MICAL2: variants seen among roughly 807,000 people sequenced by gnomAD.
The protein encoded by MICAL2 is microtubule associated monooxygenase, calponin and LIM domain containing 2.
In MICAL2, 77 loss-of-function variants were observed where a neutral mutation model predicts 127.3. The observed-to-expected ratio is 0.60, with a 90% CI of 0.50 to 0.73. The LOEUF is 0.73. Among genes scored for constraint, MICAL2 ranks in the 30% least tolerant of loss-of-function variants. The probability of loss-of-function intolerance (pLI) is 0.00; values close to 1 mark genes in which losing one functional copy is unlikely to be tolerated. For synonymous variants in MICAL2, 570 were observed against 551.1 expected (o/e 1.03, Z -0.48); for missense variants, 1,351 against 1,434.4 (o/e 0.94, Z 0.94).
At chr11:12,171,659 G>A (rs55716610) in intron 3 of MICAL2, among the ~76,000 whole-genome samples, 15,381 of 152,158 alleles carry the variant, frequency 0.1, 1,234 homozygotes, top group African/African-American at 0.22. Context: ...TCAGCTGCAG[G>A]TAATTGAGAT....
chr11:12,216,908 T>G (rs1045414467), intron 8 of MICAL2, among the ~76,000 whole-genome samples: 4 of 152,180 alleles, frequency 2.6e-5, no homozygotes, highest in Admixed American at 6.5e-5. Flanking sequence ...AAGATATATA[T>G]AGAGCACCTG....
chr11:12,223,318 C>CA (rs1857040396), intron 11 of MICAL2, 93 bp from the exon 12 acceptor site: 1 of 1,071,732 alleles, frequency 9.3e-7, no homozygotes, highest in African/African-American at 1.6e-5. Flanking sequence ...AAAATGGTGG[C>CA]AGGCACTGAA....
intron 16 of MICAL2, among the ~76,000 whole-genome samples, chr11:12,238,063 G>T (rs1333324203): frequency 6.6e-6 from 1 of 152,070 alleles, no homozygotes; most frequent in Non-Finnish European, 1.5e-5. Context: ...CTACATACAA[G>T]GTTCCCCATA....
intron 24 of MICAL2, among the ~76,000 whole-genome samples, chr11:12,269,182 C>A (rs1863644109): frequency 6.6e-6 from 1 of 152,136 alleles, no homozygotes; most frequent in African/African-American, 2.4e-5. Flanking sequence ...CTGCTCTGGC[C>A]AGGTTCTGAA....
At chr11:12,286,165 A>G (rs1451801172) in intron 2 of MICAL2, among the ~76,000 whole-genome samples, 3 of 152,190 alleles carry the variant, frequency 2.0e-5, no homozygotes, top group African/African-American at 7.2e-5. Context: ...CACAGGAAGT[A>G]CAGTGTCCCG....
rs534420944 is a variant in MICAL2, at chr11:12,162,393, C to A, written c.238C>A (p.Arg80=). 5.8e-5 allele frequency: 94 copies of A among 1,614,070 alleles called. 1 individual carries two copies. The highest frequency in any genetic ancestry group is 4.9e-4 in the Middle Eastern group (3 of 6,084). The change falls in exon 3 of 28, where the codon CGA becomes AGA. Residue 80 remains arginine (R), a synonymous_variant. Transcript: ENST00000683283. ...DKRGSHKEYK[R]GKSCTNTKCL... is the part of the protein sequence containing the mutation. ...GCGTGGTTCCCACAAAGAGTATAAGCGAGGGAAGTCGTGCACGAACACCAA... is the reference window on the plus strand; with the variant it reads ...GCGTGGTTCCCACAAAGAGTATAAGAGAGGGAAGTCGTGCACGAACACCAA...
At chr11:12,229,655 C>T (rs182904733) in intron 15 of MICAL2, among the ~76,000 whole-genome samples, 1 of 152,348 alleles carries the variant, frequency 6.6e-6, no homozygotes, top group East Asian at 1.9e-4. Context: ...ATTGAAACAG[C>T]CTGGCCAGCA....
intron 32 of MICAL2, among the ~76,000 whole-genome samples, chr11:12,328,480 C>T (rs115856832): frequency 0.019 from 2,922 of 152,134 alleles, 118 homozygotes; most frequent in African/African-American, 0.067. Context: ...GGGAACAGCA[C>T]CTGCAAAGGT....
intron 1 of MICAL2, among the ~76,000 whole-genome samples, chr11:12,127,950 G>A (rs1294346718): frequency 6.6e-6 from 1 of 152,174 alleles, no homozygotes; most frequent in Non-Finnish European, 1.5e-5. Context: ...TTTTCAAGAG[G>A]ATGAAGTGGG....
At chr11:12,186,906 C>G (rs1453652716) in intron 3 of MICAL2, among the ~76,000 whole-genome samples, 2 of 152,238 alleles carry the variant, frequency 1.3e-5, no homozygotes, top group Non-Finnish European at 2.9e-5. Context: ...CCATGAGCAG[C>G]TGGGCTGTGT....
At chr11:12,292,487 T>C (rs527440532), downstream of MICAL2, among the ~76,000 whole-genome samples, 234 of 152,356 alleles carry the variant, frequency 1.5e-3, no homozygotes, top group Middle Eastern at 0.014. Context: ...AAGCTCCTGC[T>C]GTTCCTTCAC....
chr11:12,240,204 T>C (rs1859690090), intron 17 of MICAL2, among the ~76,000 whole-genome samples: 2 of 152,178 alleles, frequency 1.3e-5, no homozygotes, highest in East Asian at 1.9e-4. Flanking sequence ...TGGGGGTTAG[T>C]GTGAGGCTGG....
chr11:12,152,334 G>C (rs1268344219), intron 2 of MICAL2, among the ~76,000 whole-genome samples: 4 of 102,440 alleles, frequency 3.9e-5, no homozygotes, highest in African/African-American at 1.1e-4. Context: ...AGAATAAAAA[G>C]AATCAAAGGT....
Position 12,152,297 on chromosome 11 carries a change from CAAAAAAA to C in MICAL2, c.-77-9761_-77-9755del, listed in dbSNP as rs540812572. 5.5e-4 allele frequency among the ~76,000 whole-genome samples: 21 copies of C among 38,396 alleles called. No homozygotes were observed. In the East Asian group the frequency reaches 0.013, roughly 23 times the overall value. The allele number at this position is 38,396 out of a possible 152,430, so 25.2% of individuals were successfully genotyped here. A position where few individuals can be genotyped will look rare whatever the true frequency, so the allele number is the denominator to read the frequency against. On this transcript the variant is annotated intron_variant, in intron 2 of 27. Transcript: ENST00000683283. ...TTGGCAACAAAGCAAGACTCTGTCT[CAAAAAAA>C]AAAAAAAAAAAAAAAAAAAAGAATA...
At chr11:12,263,174 C>T (rs1228988927) in intron 27 of MICAL2, 1 of 152,290 alleles carries the variant, frequency 6.6e-6, no homozygotes, top group African/African-American at 2.4e-5. Flanking sequence ...CTTCTTATCT[C>T]CCTTGGCTCA....
intron 2 of MICAL2, among the ~76,000 whole-genome samples, chr11:12,141,145 G>T (rs1487863684): frequency 6.6e-6 from 1 of 152,168 alleles, no homozygotes; most frequent in East Asian, 1.9e-4. Context: ...GTCTGCAAGG[G>T]ATCCAGCTGG....
chr11:12,142,445 T>A, intron 2 of MICAL2, among the ~76,000 whole-genome samples: 1 of 152,174 alleles, frequency 6.6e-6, no homozygotes, highest in East Asian at 1.9e-4. Flanking sequence ...CAAATCAAAA[T>A]CATATGAGCG....
chr11:12,216,918 G>C (rs1388500255), intron 8 of MICAL2, among the ~76,000 whole-genome samples: 2 of 152,182 alleles, frequency 1.3e-5, no homozygotes, highest in Non-Finnish European at 2.9e-5. Context: ...TAGAGCACCT[G>C]GCACAGTGCC....
intron 2 of MICAL2, among the ~76,000 whole-genome samples, chr11:12,154,841 C>T (rs1024251175): frequency 6.6e-6 from 1 of 152,166 alleles, no homozygotes; most frequent in Non-Finnish European, 1.5e-5. Flanking sequence ...ATTTACATAG[C>T]AGCTTCAGAA....
Sources: gnomAD v4.1 joint callset for allele counts (sites outside exome capture counted in the v4.1 genomes callset) on GRCh38, gnomAD v4.1.1 for gene constraint, MANE v1.5 for transcripts, NCBI Gene and HGNC (gene_info 2026-07-23, HGNC 2026-07-21) for gene names.